Variants in AFF3 observed in about 807,000 individuals in gnomAD.
AFF3 encodes the protein ALF transcription elongation factor 3, also known as AF4/FMR2 family member 3.
Under a neutral mutation model 129.7 loss-of-function variants are expected in AFF3, and 32 were observed. The observed-to-expected ratio is 0.25, with a 90% CI of 0.19 to 0.33. The LOEUF (loss-of-function observed/expected upper bound fraction) is 0.33. Ranked by LOEUF, AFF3 falls within the 10% of genes least tolerant of loss-of-function variation. The probability of loss-of-function intolerance (pLI) is 1.00; values close to 1 mark genes in which losing one functional copy is unlikely to be tolerated. For synonymous variants in AFF3, 644 were observed against 635.4 expected, an observed-to-expected ratio of 1.01 and a Z score of -0.20; for missense variants, 1,373 against 1,592.0, an observed-to-expected ratio of 0.86 and a Z score of 2.34.
intron 13 of AFF3, among the ~76,000 whole-genome samples, chr2:99,625,649 TA>T (rs1483021373): frequency 6.6e-6 from 1 of 152,188 alleles, no homozygotes; most frequent in Non-Finnish European, 1.5e-5. Flanking sequence ...TAATTATAAT[TA>T]ATCACAGAAG....
chr2:99,776,824 C>T (rs148333967), intron 8 of AFF3, among the ~76,000 whole-genome samples: 231 of 152,294 alleles, frequency 1.5e-3, no homozygotes, highest in Non-Finnish European at 1.9e-3. Context: ...TGTAAGGGCT[C>T]GGCTCTGAGG....
chr2:99,839,234 C>T (rs1188247508), intron 7 of AFF3, among the ~76,000 whole-genome samples: 2 of 151,994 alleles, frequency 1.3e-5, no homozygotes, highest in African/African-American at 2.4e-5. Context: ...CTCAGCCTCT[C>T]GAGTAGCTGG....
intron 13 of AFF3, among the ~76,000 whole-genome samples, chr2:99,624,926 T>G (rs578190040): frequency 3.3e-4 from 50 of 152,240 alleles, no homozygotes; most frequent in Admixed American, 2.2e-3. Context: ...ACCCTACCGA[T>G]TTCCAAACAG....
At chr2:99,802,354 A>C (rs2105513851) in intron 8 of AFF3, among the ~76,000 whole-genome samples, 1 of 152,308 alleles carries the variant, frequency 6.6e-6, no homozygotes, top group East Asian at 1.9e-4. Context: ...CTGCATTTTT[A>C]ACCTATTCCC....
At chr2:99,618,051 TCAGA>T (rs1184128922) in intron 13 of AFF3, among the ~76,000 whole-genome samples, 9 of 152,048 alleles carry the variant, frequency 5.9e-5, no homozygotes, top group Non-Finnish European at 1.2e-4. Context: ...TGGTGCATAG[TCAGA>T]CAGACCCAGG....
At chr2:99,937,197 C>T (rs1042193817) in intron 7 of AFF3, among the ~76,000 whole-genome samples, 2 of 151,960 alleles carry the variant, frequency 1.3e-5, no homozygotes, top group African/African-American at 2.4e-5. Context: ...TTCCTTTGAG[C>T]GCCACGTCAG....
intron 7 of AFF3, among the ~76,000 whole-genome samples, chr2:99,887,399 C>T (rs1693193745): frequency 6.6e-6 from 1 of 152,160 alleles, no homozygotes; most frequent in East Asian, 1.9e-4. Flanking sequence ...GACCCTTAGC[C>T]TTTTGTATAA....
chr2:100,111,846 C>T (rs377640621), intron 2 of AFF3, among the ~76,000 whole-genome samples: 17 of 152,354 alleles, frequency 1.1e-4, no homozygotes, highest in African/African-American at 4.1e-4. Flanking sequence ...AGCTAACCTG[C>T]TACCCATTGC....
intron 2 of AFF3, among the ~76,000 whole-genome samples, chr2:100,125,953 G>A (rs1446731123): frequency 1.3e-5 from 2 of 152,180 alleles, no homozygotes; most frequent in Non-Finnish European, 2.9e-5. Context: ...GCACACACTT[G>A]GGACCAGGGT....
intron 8 of AFF3, among the ~76,000 whole-genome samples, chr2:99,812,800 T>C (rs2105602188): frequency 6.6e-6 from 1 of 152,328 alleles, no homozygotes; most frequent in African/African-American, 2.4e-5. Context: ...TTAGTCAACA[T>C]TAATTTTTTT....
Position 99,945,368 on chromosome 2 carries a change from G to A in AFF3, c.873+61264C>T, listed in dbSNP as rs567187985. 6.9e-4 allele frequency among the ~76,000 whole-genome samples: 105 copies of A among 152,282 alleles called. 3 individuals are homozygous for A. In the South Asian group the frequency reaches 0.015, roughly 21 times the overall value. The stretch of plus-strand genomic sequence containing the variant: ...TGGCAAATATGAACCTCCTATTTCT[G>A]CTGATGGGGTGAAGAGCTGAGGTCA... On this transcript the variant is annotated intron_variant, in intron 7 of 24. Coordinates refer to ENST00000672756, the MANE Select transcript of AFF3 (RefSeq NM_001386135.1).
At chr2:99,797,311 T>C (rs939314445) in intron 8 of AFF3, among the ~76,000 whole-genome samples, 1 of 152,056 alleles carries the variant, frequency 6.6e-6, no homozygotes, top group African/African-American at 2.4e-5. Context: ...CAAATATACA[T>C]TGAATGCAAT....
At chr2:99,963,150 T>C (rs956926998) in intron 7 of AFF3, among the ~76,000 whole-genome samples, 2 of 151,962 alleles carry the variant, frequency 1.3e-5, no homozygotes, top group African/African-American at 4.8e-5. Context: ...ATTTGTCAAA[T>C]ACTGAAAGAA....
intron 8 of AFF3, among the ~76,000 whole-genome samples, chr2:99,781,336 T>C (rs1407760123): frequency 6.6e-6 from 1 of 152,242 alleles, no homozygotes; most frequent in African/African-American, 2.4e-5. Context: ...TTTTTCTTCT[T>C]AGCACTTATC....
At chr2:99,821,640 C>T (rs1054765634) in intron 8 of AFF3, among the ~76,000 whole-genome samples, 2 of 152,168 alleles carry the variant, frequency 1.3e-5, no homozygotes, top group African/African-American at 4.8e-5. Context: ...GTGACACAAT[C>T]GCTCCTTGTC....
At chr2:100,141,054 T>C (rs1482875900) in intron 1 of AFF3, among the ~76,000 whole-genome samples, 1 of 152,212 alleles carries the variant, frequency 6.6e-6, no homozygotes, top group East Asian at 1.9e-4. Context: ...TTCCAGGCAC[T>C]TGTCTAAGCA....
At chr2:99,638,567 C>T (rs1175441220) in intron 13 of AFF3, among the ~76,000 whole-genome samples, 2 of 152,138 alleles carry the variant, frequency 1.3e-5, no homozygotes, top group African/African-American at 4.8e-5. Context: ...GTCCCCCCGC[C>T]CACAGAGGAT....
At chr2:99,661,763 T>C (rs1190997861) in intron 12 of AFF3, among the ~76,000 whole-genome samples, 1 of 152,212 alleles carries the variant, frequency 6.6e-6, no homozygotes, top group Non-Finnish European at 1.5e-5. Context: ...GCTTGTGCTT[T>C]TTGCAAATGT....
chr2:100,038,418 T>C (rs1385918133), intron 4 of AFF3, among the ~76,000 whole-genome samples: 1 of 151,482 alleles, frequency 6.6e-6, no homozygotes, highest in African/African-American at 2.4e-5. Context: ...AGGGCTGCTC[T>C]GATCAAAAAG....
Sources: allele counts gnomAD v4.1 joint callset (sites outside exome capture counted in the v4.1 genomes callset), GRCh38; gene constraint gnomAD v4.1.1; transcripts MANE v1.5; gene names NCBI Gene and HGNC (gene_info 2026-07-23, HGNC 2026-07-21).